Variants in COL19A1 observed in about 807,000 individuals in gnomAD.
COL19A1 encodes the protein collagen type XIX alpha 1 chain, also known as collagen alpha-1(XIX) chain.
A neutral mutation model predicts 190.2 loss-of-function variants in COL19A1; 159 were observed. The observed-to-expected ratio is 0.84, with a 90% CI of 0.73 to 0.95. The LOEUF (loss-of-function observed/expected upper bound fraction) is 0.95, where lower values mean the gene tolerates loss of function less well. Among genes scored for constraint, COL19A1 ranks in the 40% least tolerant of loss-of-function variants. COL19A1 has a pLI of 0.00. For missense variants in COL19A1, 1,418 were observed against 1,431.9 expected (o/e 0.99, Z 0.16); for synonymous variants, 509 against 458.9 (o/e 1.11, Z -1.39).
chr6:70,036,621 C>T (rs1038502989), intron 14 of COL19A1, among the ~76,000 whole-genome samples: 1 of 151,846 alleles, frequency 6.6e-6, no homozygotes, highest in African/African-American at 2.4e-5. Context: ...TCTTATTTAA[C>T]TTAAATAAGA....
chr6:69,960,914 A>G (rs567790362), intron 10 of COL19A1, among the ~76,000 whole-genome samples: 1 of 152,170 alleles, frequency 6.6e-6, no homozygotes, highest in African/African-American at 2.4e-5. Context: ...TACAGGCGTG[A>G]GCCACCACAC....
intron 16 of COL19A1, among the ~76,000 whole-genome samples, chr6:70,106,070 G>A (rs1360870736): frequency 1.3e-5 from 2 of 151,902 alleles, no homozygotes; most frequent in African/African-American, 4.8e-5. Context: ...CTTCCCTTTG[G>A]GGGTTTAAGA....
intron 4 of COL19A1, among the ~76,000 whole-genome samples, chr6:69,924,200 C>G (rs150312406): frequency 0.013 from 2,053 of 152,078 alleles, 42 homozygotes; most frequent in African/African-American, 0.046. Context: ...TGAGCTGCAC[C>G]CATTAACTCG....
At chr6:69,935,618 G>A (rs544463969) in intron 7 of COL19A1, among the ~76,000 whole-genome samples, 34 of 152,104 alleles carry the variant, frequency 2.2e-4, no homozygotes, top group African/African-American at 7.5e-4. Flanking sequence ...AACTAGTGGT[G>A]GATACAGTAA....
chr6:69,992,546 A>G (rs750131904), intron 11 of COL19A1, among the ~76,000 whole-genome samples: 6 of 152,068 alleles, frequency 3.9e-5, no homozygotes, highest in Admixed American at 6.6e-5. Flanking sequence ...GCTTTGGGTA[A>G]TATGGCTATT....
At chr6:70,151,325 T>C in intron 30 of COL19A1, 72 bp from the exon 31 acceptor site, 1 of 1,475,690 alleles carries the variant, frequency 6.8e-7, no homozygotes, top group East Asian at 2.3e-5. Context: ...ATGTCTACAT[T>C]ATACTGTATG....
intron 14 of COL19A1, among the ~76,000 whole-genome samples, chr6:70,058,595 T>C (rs1424491585): frequency 6.6e-6 from 1 of 152,068 alleles, no homozygotes; most frequent in Non-Finnish European, 1.5e-5. Flanking sequence ...AATGATAGGC[T>C]TTTATACAAA....
At chr6:70,003,056 C>A (rs1280336031) in intron 11 of COL19A1, among the ~76,000 whole-genome samples, 1 of 152,020 alleles carries the variant, frequency 6.6e-6, no homozygotes, top group Non-Finnish European at 1.5e-5. Context: ...ACTATTTTAG[C>A]CGTGTCCCAT....
At chr6:69,930,575 T>A (rs919022831) in intron 6 of COL19A1, among the ~76,000 whole-genome samples, 2 of 152,078 alleles carry the variant, frequency 1.3e-5, no homozygotes, top group African/African-American at 4.8e-5. Context: ...TCCCAGCACT[T>A]TGGGAGGCCG....
intron 11 of COL19A1, among the ~76,000 whole-genome samples, chr6:69,976,452 G>A (rs1775718599): frequency 6.6e-6 from 1 of 152,130 alleles, no homozygotes; most frequent in African/African-American, 2.4e-5. Flanking sequence ...TTCAGCACTA[G>A]GGTAGCAGAT....
At position 70,150,034 on chromosome 6, in the gene COL19A1, C is replaced by G; in HGVS notation, c.2026C>G (p.Pro676Ala). The part of the protein sequence containing the change: ...RDGKPGLPGP[P>A]GDPIALPLLG... ...TGGAAAGCCAGGCCTGCCAGGCCCC[C>G]CAGGTGACCCGGTATGTAGACAAAC... Residue 676 changes from proline to alanine, a missense_variant, in exon 30 of 51, where the codon CCA becomes GCA. Physicochemically the swap from Pro to Ala is conservative, Grantham distance 27. Transcript: ENST00000620364. 1 of 1,613,722 alleles carries G rather than the reference C, an allele frequency of 6.2e-7. No homozygotes were observed. Among genetic ancestry groups the G allele is most frequent in the Non-Finnish European group, 8.5e-7 (1 of 1,179,786 alleles).
chr6:70,195,136 G>GATATATATATATATAT (rs202055762), intron 48 of COL19A1, among the ~76,000 whole-genome samples: 58 of 136,004 alleles, frequency 4.3e-4, no homozygotes, highest in African/African-American at 1.3e-3. Flanking sequence ...CATCATTGAT[G>GATATATATATATATAT]ATATATATAT....
intron 22 of COL19A1, 142 bp downstream of exon 22, chr6:70,142,218 C>T (rs920353332): frequency 6.7e-5 from 49 of 735,012 alleles, no homozygotes; most frequent in Non-Finnish European, 9.5e-5. Flanking sequence ...GGTGATTTTC[C>T]CCACTGGCTG....
At chr6:69,923,285 T>A (rs1170952197) in intron 4 of COL19A1, among the ~76,000 whole-genome samples, 1 of 152,132 alleles carries the variant, frequency 6.6e-6, no homozygotes, top group African/African-American at 2.4e-5. Context: ...CCTATTCATA[T>A]CCCTCTCTCT....
chr6:70,111,512 T>C (rs906037048), intron 16 of COL19A1, among the ~76,000 whole-genome samples: 6 of 152,204 alleles, frequency 3.9e-5, no homozygotes, highest in African/African-American at 1.4e-4. Context: ...ATTTATATTA[T>C]TTTCTGTACT....
At chr6:69,908,079 C>T (rs1770678253) in intron 4 of COL19A1, among the ~76,000 whole-genome samples, 1 of 152,190 alleles carries the variant, frequency 6.6e-6, no homozygotes, top group Non-Finnish European at 1.5e-5. Flanking sequence ...AAGCATCATG[C>T]ACAAGGCTAA....
chr6:69,893,797 A>C (rs1260784872), intron 2 of COL19A1, among the ~76,000 whole-genome samples: 1 of 152,176 alleles, frequency 6.6e-6, no homozygotes, highest in East Asian at 1.9e-4. Context: ...AACATTTTAC[A>C]ACTCTGCAAT....
intron 6 of COL19A1, among the ~76,000 whole-genome samples, chr6:69,930,806 A>G (rs929086141): frequency 6.6e-5 from 10 of 152,180 alleles, no homozygotes; most frequent in African/African-American, 2.4e-4. Flanking sequence ...CTCAAAAAAC[A>G]AAAAACAAAC....
At chr6:70,110,505 G>T (rs966179605) in intron 16 of COL19A1, among the ~76,000 whole-genome samples, 3 of 152,132 alleles carry the variant, frequency 2.0e-5, no homozygotes, top group African/African-American at 7.2e-5. Flanking sequence ...TGGAGACATG[G>T]CTAGTTAATC....
Sources: gnomAD v4.1 joint callset for allele counts (sites outside exome capture counted in the v4.1 genomes callset) on GRCh38, gnomAD v4.1.1 for gene constraint, MANE v1.5 for transcripts, NCBI Gene and HGNC (gene_info 2026-07-23, HGNC 2026-07-21) for gene names.